The following SLC35D1 variants were observed in gnomAD, a reference collection of about 807,000 sequenced individuals.
SLC35D1 encodes the protein solute carrier family 35 member D1.
In SLC35D1, 31 loss-of-function variants were observed where a neutral mutation model predicts 46.7. The ratio of observed to expected loss-of-function variants is 0.66; its 90% CI spans 0.50 to 0.90. SLC35D1 has a LOEUF of 0.90. Among genes scored for constraint, SLC35D1 ranks in the 40% least tolerant of loss-of-function variants. The pLI is 0.00. For synonymous variants in SLC35D1, 195 were observed against 164.6 expected (o/e 1.18, Z -1.41); for missense variants, 397 against 426.2 (o/e 0.93, Z 0.60).
At chr1:67,039,274 A>G (rs1293605326) in intron 8 of SLC35D1, among the ~76,000 whole-genome samples, 1 of 152,208 alleles carries the variant, frequency 6.6e-6, no homozygotes, top group African/African-American at 2.4e-5. Context: ...ATCACAGGAT[A>G]GTAGTCATTT....
intron 6 of SLC35D1, among the ~76,000 whole-genome samples, chr1:67,048,713 C>A (rs1645276245): frequency 1.3e-5 from 2 of 152,106 alleles, no homozygotes; most frequent in Non-Finnish European, 2.9e-5. Flanking sequence ...TATATGCATG[C>A]CCTGGGCTGA....
intron 8 of SLC35D1, among the ~76,000 whole-genome samples, chr1:67,036,727 T>C (rs1341599374): frequency 9.9e-5 from 15 of 151,984 alleles, no homozygotes; most frequent in Admixed American, 9.8e-4. Context: ...TTTTTTTCTT[T>C]TTTTATCCAT....
chr1:66,977,488 C>G, the SLC35D1 span, among the ~76,000 whole-genome samples: 1 of 152,150 alleles, frequency 6.6e-6, no homozygotes, highest in Non-Finnish European at 1.5e-5. Flanking sequence ...TTTCCTCTAA[C>G]AAGTAATATT....
chr1:67,013,159 T>TAGATAGATAG (rs1667608796), intron 10 of SLC35D1, among the ~76,000 whole-genome samples: 5 of 30,944 alleles, frequency 1.6e-4, no homozygotes, highest in Admixed American at 6.5e-4. Context: ...ATCCTGGAGA[T>TAGATAGATAG]ATATATATAT....
At chr1:66,983,396 T>C in the SLC35D1 span, among the ~76,000 whole-genome samples, 3 of 152,232 alleles carry the variant, frequency 2.0e-5, no homozygotes, top group Non-Finnish European at 4.4e-5. Context: ...TCTATCAGAA[T>C]ACAGTATTTG....
At chr1:67,043,032 C>T (rs1645211683) in intron 7 of SLC35D1, among the ~76,000 whole-genome samples, 1 of 151,840 alleles carries the variant, frequency 6.6e-6, no homozygotes, top group Admixed American at 6.6e-5. Context: ...ACTGTCTCTA[C>T]AAAAATACAA....
chr1:66,992,351 T>C, the SLC35D1 span, among the ~76,000 whole-genome samples: 7 of 152,200 alleles, frequency 4.6e-5, no homozygotes, highest in African/African-American at 1.7e-4. Context: ...CACTCTAACC[T>C]GTATAGCAGC....
chr1:66,981,791 T>C, the SLC35D1 span: 4 of 1,613,310 alleles, frequency 2.5e-6, no homozygotes, highest in South Asian at 4.4e-5. Flanking sequence ...ATTACATGGA[T>C]CGTCTTCTAG....
At chr1:66,986,157 A>G in the SLC35D1 span, 1 of 1,189,712 alleles carries the variant, frequency 8.4e-7, no homozygotes, top group African/African-American at 1.6e-5. Context: ...AAAACTTTTC[A>G]AACTTTTCTA....
the SLC35D1 span, chr1:66,988,117 G>A: frequency 9.2e-6 from 1 of 108,880 alleles, no homozygotes; most frequent in Admixed American, 8.5e-5. Flanking sequence ...TTTACATGGG[G>A]TGTGTAACTA....
intron 4 of SLC35D1, 41 bp downstream of exon 4, chr1:67,051,971 A>G: frequency 7.8e-7 from 1 of 1,277,400 alleles, no homozygotes; most frequent in Non-Finnish European, 1.1e-6. Flanking sequence ...TTTTAAGAAT[A>G]CATTATATTA....
chr1:67,033,701 C>T (rs1668068135), intron 8 of SLC35D1, among the ~76,000 whole-genome samples: 1 of 152,104 alleles, frequency 6.6e-6, no homozygotes, highest in African/African-American at 2.4e-5. Flanking sequence ...ATGTGATTCC[C>T]TCTGTCCATT....
chr1:66,983,382 T>A, the SLC35D1 span, among the ~76,000 whole-genome samples: 1 of 152,244 alleles, frequency 6.6e-6, no homozygotes, highest in Non-Finnish European at 1.5e-5. Context: ...ATAGAATATT[T>A]TCTTCTATCA....
chr1:66,989,561 G>A, the SLC35D1 span, among the ~76,000 whole-genome samples: 10 of 152,242 alleles, frequency 6.6e-5, no homozygotes, highest in Admixed American at 4.6e-4. Flanking sequence ...CTCCTTGGGC[G>A]CAGGTAATCC....
chr1:67,032,817 G>A lies in SLC35D1; in HGVS notation c.729+9419C>T, dbSNP rs139068664. 3.0e-3 allele frequency among the ~76,000 whole-genome samples: 459 copies of A among 152,134 alleles called. 1 individual carries two copies. Among genetic ancestry groups the A allele is most frequent in the Middle Eastern group, 0.02 (6 of 294 alleles). ...TTTTGAAATGAACAATTATCTTGTT[G>A]TGCTACCAAATACTAGTTCTTATTC... is the stretch of plus-strand genomic sequence containing the variant. On this transcript the variant is annotated intron_variant, in intron 8 of 11. Transcript: ENST00000235345.
At chr1:67,045,839 A>G (rs1240657193) in intron 7 of SLC35D1, among the ~76,000 whole-genome samples, 2 of 152,222 alleles carry the variant, frequency 1.3e-5, no homozygotes, top group Non-Finnish European at 2.9e-5. Flanking sequence ...ATAAATTTCC[A>G]ATGTCACAGA....
chr1:66,981,743 T>G, the SLC35D1 span: 1 of 1,513,346 alleles, frequency 6.6e-7, no homozygotes, highest in African/African-American at 1.4e-5. Context: ...AATTTTCAGC[T>G]CTTTTTAATA....
chr1:67,033,973 TG>T (rs2102321418), intron 8 of SLC35D1, among the ~76,000 whole-genome samples: 1 of 152,322 alleles, frequency 6.6e-6, no homozygotes, highest in Non-Finnish European at 1.5e-5. Flanking sequence ...TTGGCACCAT[TG>T]TCAAAAATTA....
rs767456497 is a variant in SLC35D1 at position 67,003,984 on chromosome 1, T to A, written c.*356A>T. The A allele has an allele frequency of 8.4e-6, 2 of 238,340 alleles. No individual in the cohort carries two copies. Among genetic ancestry groups the A allele is most frequent in the Non-Finnish European group, 1.7e-5 (2 of 119,534 alleles). The allele number at this position is 238,340 out of a possible 1,614,324, so 14.8% of individuals were successfully genotyped here. On this transcript the variant is annotated 3_prime_UTR_variant, in exon 12 of 12. Coordinates refer to ENST00000235345, the MANE Select transcript of SLC35D1 (RefSeq NM_015139.3). ...AACAATTTGAATGATGAAGCTCCAG[T>A]TGGCAAACATTACATATGCAGCTCT...
Sources: allele counts gnomAD v4.1 joint callset (sites outside exome capture counted in the v4.1 genomes callset), GRCh38; gene constraint gnomAD v4.1.1; transcripts MANE v1.5; gene names NCBI Gene and HGNC (gene_info 2026-07-23, HGNC 2026-07-21).